The following KCNN2 variants were observed in gnomAD, a reference collection of about 807,000 sequenced individuals.
KCNN2 encodes potassium calcium-activated channel subfamily N member 2.
In KCNN2, 24 loss-of-function variants were observed where a neutral mutation model predicts 55.5. The observed-to-expected ratio is 0.43, with a 90% CI of 0.31 to 0.61. The LOEUF is 0.61. Among genes scored for constraint, KCNN2 ranks in the 20% least tolerant of loss-of-function variants. KCNN2 has a pLI of 0.08. For synonymous variants in KCNN2, 431 were observed against 336.1 expected (o/e 1.28, Z -3.09); for missense variants, 754 against 853.6 (o/e 0.88, Z 1.45).
chr5:114,110,440 T>C (rs1751573836), intron 1 of KCNN2, among the ~76,000 whole-genome samples: 1 of 152,000 alleles, frequency 6.6e-6, no homozygotes, highest in Non-Finnish European at 1.5e-5. Context: ...TTTCTCTTGC[T>C]CTCAGACAGG....
At chr5:114,137,009 T>G (rs1191287498) in intron 1 of KCNN2, among the ~76,000 whole-genome samples, 1 of 152,204 alleles carries the variant, frequency 6.6e-6, no homozygotes, top group Non-Finnish European at 1.5e-5. Context: ...ACCACCATAT[T>G]GCCTTCTCTG....
Position 114,404,623 on chromosome 5 carries a change from T to C in KCNN2, c.1404T>C (p.Ile468=), listed in dbSNP as rs1260449961. The stretch of plus-strand genomic sequence containing the variant: ...CCACAACCACCGCTGATGTGGATAT[T>C]ATTTTATCTATACCAATGTTCTTAA... ...APSTTTADVD[I]ILSIPMFLRL... Residue 468 remains isoleucine (I), a synonymous_variant, in exon 3 of 8, where the codon ATT becomes ATC. Coordinates refer to ENST00000673685, the MANE Select transcript of KCNN2 (RefSeq NM_021614.4). 6.2e-7 allele frequency: 1 copy of C among 1,613,990 alleles called. No homozygotes were observed. Among genetic ancestry groups the C allele is most frequent in the Admixed American group, 1.7e-5 (1 of 60,022 alleles).
chr5:114,076,344 A>C (rs1442101485), intron 1 of KCNN2, among the ~76,000 whole-genome samples: 1 of 152,148 alleles, frequency 6.6e-6, no homozygotes, highest in East Asian at 1.9e-4. Context: ...GTATAATCCA[A>C]CTCATTTTGG....
chr5:114,410,267 T>G (rs1212615144), intron 3 of KCNN2, among the ~76,000 whole-genome samples: 1 of 152,194 alleles, frequency 6.6e-6, no homozygotes, highest in African/African-American at 2.4e-5. Context: ...TCTAGTTTTG[T>G]AAAGATAGCG....
At chr5:114,107,224 A>C (rs1031715506) in intron 1 of KCNN2, among the ~76,000 whole-genome samples, 1 of 152,030 alleles carries the variant, frequency 6.6e-6, no homozygotes, top group African/African-American at 2.4e-5. Context: ...GCTACTTTAG[A>C]GTTCTCTATT....
chr5:114,428,911 C>A (rs1000248053), intron 3 of KCNN2, among the ~76,000 whole-genome samples: 1 of 151,506 alleles, frequency 6.6e-6, no homozygotes, highest in African/African-American at 2.4e-5. Context: ...TAGCTCATTT[C>A]TTTTTAATGC....
intron 2 of KCNN2, among the ~76,000 whole-genome samples, chr5:114,222,301 T>A (rs1219380887): frequency 6.6e-6 from 1 of 152,162 alleles, no homozygotes; most frequent in Non-Finnish European, 1.5e-5. Flanking sequence ...ATTTGCATGG[T>A]ATCGTTAGGC....
chr5:114,440,526 A>G (rs1395153100), intron 3 of KCNN2, among the ~76,000 whole-genome samples: 1 of 152,112 alleles, frequency 6.6e-6, no homozygotes, highest in East Asian at 1.9e-4. Context: ...ATAAATGTAA[A>G]CAAACAGGGT....
At chr5:114,167,245 G>A (rs571230660) in intron 1 of KCNN2, among the ~76,000 whole-genome samples, 18 of 152,152 alleles carry the variant, frequency 1.2e-4, no homozygotes, top group African/African-American at 4.1e-4. Context: ...CATCCCTGGT[G>A]TGCCATATTC....
chr5:114,458,858 C>A (rs191788599), intron 3 of KCNN2, among the ~76,000 whole-genome samples: 1 of 152,094 alleles, frequency 6.6e-6, no homozygotes, highest in Non-Finnish European at 1.5e-5. Flanking sequence ...GAAGGGGGGA[C>A]GTGTTTCCCA....
chr5:114,238,224 T>G (rs1462434896), intron 2 of KCNN2, among the ~76,000 whole-genome samples: 1 of 152,206 alleles, frequency 6.6e-6, no homozygotes, highest in East Asian at 1.9e-4. Flanking sequence ...AGGTTACTCT[T>G]TTCAAAAGAT....
intron 1 of KCNN2, among the ~76,000 whole-genome samples, chr5:114,195,083 A>T (rs958071389): frequency 1.8e-4 from 27 of 151,916 alleles, no homozygotes; most frequent in African/African-American, 6.5e-4. Context: ...CACTGTATTA[A>T]TTACTGTAGC....
At chr5:114,340,911 C>T (rs186420873) in intron 2 of KCNN2, among the ~76,000 whole-genome samples, 1 of 152,238 alleles carries the variant, frequency 6.6e-6, no homozygotes, top group Admixed American at 6.5e-5. Flanking sequence ...TTTTTATATT[C>T]CACATATAAG....
At chr5:114,096,002 C>G (rs1017371794) in intron 1 of KCNN2, among the ~76,000 whole-genome samples, 4 of 152,036 alleles carry the variant, frequency 2.6e-5, no homozygotes, top group African/African-American at 9.7e-5. Context: ...AGAAAATGCA[C>G]CTATGGATCT....
At chr5:114,282,476 T>C (rs1244783232) in intron 2 of KCNN2, among the ~76,000 whole-genome samples, 2 of 152,156 alleles carry the variant, frequency 1.3e-5, no homozygotes, top group African/African-American at 2.4e-5. Flanking sequence ...TTTAAATTAG[T>C]AATACAATCA....
At chr5:114,287,039 T>G (rs1350274474) in intron 2 of KCNN2, among the ~76,000 whole-genome samples, 3 of 152,188 alleles carry the variant, frequency 2.0e-5, no homozygotes, top group African/African-American at 7.2e-5. Context: ...CTGATGCTCC[T>G]ACAGTTAGTA....
At chr5:114,332,096 C>T (rs978857211) in intron 2 of KCNN2, among the ~76,000 whole-genome samples, 1 of 152,184 alleles carries the variant, frequency 6.6e-6, no homozygotes, top group Non-Finnish European at 1.5e-5. Context: ...TTATTCATTT[C>T]ATTTGTTTAT....
At chr5:114,407,977 T>C (rs527906689) in intron 3 of KCNN2, among the ~76,000 whole-genome samples, 1 of 152,344 alleles carries the variant, frequency 6.6e-6, no homozygotes, top group African/African-American at 2.4e-5. Flanking sequence ...GACATCTGTG[T>C]GTCTAACTGC....
At chr5:114,348,315 T>G (rs2150039218) in intron 2 of KCNN2, among the ~76,000 whole-genome samples, 1 of 151,570 alleles carries the variant, frequency 6.6e-6, no homozygotes, top group African/African-American at 2.4e-5. Flanking sequence ...GAGATATACC[T>G]AATGCTAAAT....
Sources: gnomAD v4.1 joint callset for allele counts (sites outside exome capture counted in the v4.1 genomes callset) on GRCh38, gnomAD v4.1.1 for gene constraint, MANE v1.5 for transcripts, NCBI Gene and HGNC (gene_info 2026-07-23, HGNC 2026-07-21) for gene names.